The following PDIA5 variants were observed in gnomAD, a reference collection of about 807,000 sequenced individuals.
PDIA5 encodes the protein protein disulfide isomerase family A member 5, also known as protein disulfide-isomerase A5.
A neutral mutation model predicts 77.6 loss-of-function variants in PDIA5; 58 were observed. The observed-to-expected ratio is 0.75, with a 90% confidence interval of 0.61 to 0.93. The LOEUF (loss-of-function observed/expected upper bound fraction) is 0.93. PDIA5 is among the 40% of genes least tolerant of loss of function. PDIA5 has a pLI of 0.00. For missense variants in PDIA5, 630 were observed against 647.7 expected, an observed-to-expected ratio of 0.97 and a Z score of 0.30; for synonymous variants, 250 against 252.1, an observed-to-expected ratio of 0.99 and a Z score of 0.08.
chr3:123,122,518 A>G (rs1935143673), intron 8 of PDIA5, among the ~76,000 whole-genome samples: 1 of 152,150 alleles, frequency 6.6e-6, no homozygotes, highest in East Asian at 1.9e-4. Context: ...TAGGGACTTA[A>G]AACAATTGGA....
At chr3:123,161,778 G>A (rs1936164224) in intron 16 of PDIA5, 102 bp from the exon 17 acceptor site, 3 of 813,452 alleles carry the variant, frequency 3.7e-6, no homozygotes, top group Middle Eastern at 2.8e-4. Flanking sequence ...CCCTGTCATA[G>A]GAGTGACCCC....
At position 123,116,201 on chromosome 3, in the gene PDIA5, G is replaced by A. The variant is rs376263655; in HGVS notation, c.542-30G>A. The A allele has an allele frequency of 1.1e-4, 183 of 1,599,082 alleles. 1 individual carries two copies. In the African/African-American group the frequency reaches 1.2e-3, roughly 10 times the overall value. On this transcript the variant is annotated intron_variant, in intron 7 of 16. Transcript: ENST00000316218. Reference sequence around the variant, plus strand: ...CAAGGGCTCAGCCATCCCTGTAACCGGATGTGGTCTCTCTCCTGCCTGTGA... The same window carrying A: ...CAAGGGCTCAGCCATCCCTGTAACCAGATGTGGTCTCTCTCCTGCCTGTGA...
At chr3:123,155,218 T>C (rs1375615112) in intron 15 of PDIA5, among the ~76,000 whole-genome samples, 177 bp downstream of exon 15, 1 of 152,142 alleles carries the variant, frequency 6.6e-6, no homozygotes, top group Non-Finnish European at 1.5e-5. Context: ...GGATTTATGC[T>C]GCAAAATCAA....
At chr3:123,114,012 C>T (rs1048570280) in intron 7 of PDIA5, among the ~76,000 whole-genome samples, 1 of 152,198 alleles carries the variant, frequency 6.6e-6, no homozygotes, top group Non-Finnish European at 1.5e-5. Flanking sequence ...TGGAAACTGG[C>T]TTGGCCTGTG....
At chr3:123,139,044 C>T (rs1413284051) in intron 11 of PDIA5, among the ~76,000 whole-genome samples, 1 of 152,234 alleles carries the variant, frequency 6.6e-6, no homozygotes, top group Non-Finnish European at 1.5e-5. Context: ...AACATTCCCA[C>T]AGCCAGAAAA....
chr3:123,111,520 C>G (rs1251370565), intron 7 of PDIA5, among the ~76,000 whole-genome samples: 1 of 152,236 alleles, frequency 6.6e-6, no homozygotes, highest in African/African-American at 2.4e-5. Context: ...GGCTCAGTCC[C>G]TGTATGAGGC....
At chr3:123,111,089 T>C in intron 7 of PDIA5, 85 bp downstream of exon 7, 1 of 841,820 alleles carries the variant, frequency 1.2e-6, no homozygotes, top group Non-Finnish European at 2.0e-6. Flanking sequence ...GGGCGGGGTC[T>C]GGGGGATTAG....
chr3:123,129,972 C>T (rs1204243278), intron 10 of PDIA5, among the ~76,000 whole-genome samples: 1 of 152,158 alleles, frequency 6.6e-6, no homozygotes, highest in African/African-American at 2.4e-5. Context: ...CTTGCATGGC[C>T]TAGATCTGAT....
At chr3:123,132,772 A>G (rs1005631700) in intron 11 of PDIA5, among the ~76,000 whole-genome samples, 1 of 152,164 alleles carries the variant, frequency 6.6e-6, no homozygotes, top group Non-Finnish European at 1.5e-5. Context: ...CCCCTGTCCC[A>G]GCCGTGACAG....
At chr3:123,116,199 C>G in intron 7 of PDIA5, 32 bp from the exon 8 acceptor site, 1 of 1,594,086 alleles carries the variant, frequency 6.3e-7, no homozygotes. Flanking sequence ...ATCCCTGTAA[C>G]CGGATGTGGT....
rs757507798 is a variant in PDIA5, at chr3:123,102,406, TC to T, written c.258-3del. 1.2e-6 allele frequency: 2 copies of T among 1,611,558 alleles called. No individual in the cohort carries two copies. The highest frequency in any genetic ancestry group is 1.7e-6 in the Non-Finnish European group (2 of 1,177,702). On this transcript the variant is annotated splice_region_variant and splice_polypyrimidine_tract_variant and intron_variant, in intron 3 of 16. Coordinates refer to ENST00000316218, the MANE Select transcript of PDIA5 (RefSeq NM_006810.4). Reference sequence around the variant, plus strand: ...TAAATGGTTCCCAACATTTGTGTCTTCCAGTGATGCAGAGAGTAGAAAATTG... The same window carrying T: ...TAAATGGTTCCCAACATTTGTGTCTTCAGTGATGCAGAGAGTAGAAAATTG...
intron 1 of PDIA5, 49 bp downstream of exon 1, chr3:123,067,255 C>A: frequency 8.2e-7 from 1 of 1,223,574 alleles, no homozygotes; most frequent in Non-Finnish European, 1.0e-6. Context: ...GTGTGTCCCG[C>A]GTGCCCTTCT....
At chr3:123,079,887 A>T (rs192758453) in intron 1 of PDIA5, among the ~76,000 whole-genome samples, 25 of 152,052 alleles carry the variant, frequency 1.6e-4, no homozygotes, top group Non-Finnish European at 2.9e-4. Flanking sequence ...ATTTGTGTTG[A>T]GATTAATTTC....
chr3:123,125,045 C>A (rs1285219412), intron 10 of PDIA5, among the ~76,000 whole-genome samples: 2 of 152,156 alleles, frequency 1.3e-5, no homozygotes, highest in Non-Finnish European at 2.9e-5. Context: ...TGTGCTAGGC[C>A]TGCTGCTTTG....
intron 13 of PDIA5, among the ~76,000 whole-genome samples, chr3:123,149,282 C>T (rs1017473059): frequency 2.0e-5 from 3 of 152,216 alleles, no homozygotes; most frequent in Admixed American, 2.0e-4. Context: ...GCCTTAAGTT[C>T]TTCTCAGCCA....
chr3:123,132,175 A>G (rs1935384824), intron 11 of PDIA5, among the ~76,000 whole-genome samples: 1 of 152,064 alleles, frequency 6.6e-6, no homozygotes, highest in Non-Finnish European at 1.5e-5. Flanking sequence ...GACATAGACC[A>G]CCCACGGCTC....
intron 8 of PDIA5, among the ~76,000 whole-genome samples, chr3:123,119,972 G>T (rs1156839660): frequency 6.6e-6 from 1 of 152,184 alleles, no homozygotes; most frequent in Non-Finnish European, 1.5e-5. Context: ...ACTTACAGCT[G>T]CCTCTTTTGT....
intron 8 of PDIA5, among the ~76,000 whole-genome samples, chr3:123,123,452 C>T (rs1242450945): frequency 6.6e-6 from 1 of 152,166 alleles, no homozygotes; most frequent in Admixed American, 6.5e-5. Flanking sequence ...AGACACAGCA[C>T]GGCCTGGAAG....
At chr3:123,135,768 T>TA (rs1935487343) in intron 11 of PDIA5, among the ~76,000 whole-genome samples, 1 of 137,502 alleles carries the variant, frequency 7.3e-6, no homozygotes, top group Non-Finnish European at 1.6e-5. Context: ...TTTTTTTTTT[T>TA]ACTTTTTGGC....
Sources: allele counts gnomAD v4.1 joint callset (sites outside exome capture counted in the v4.1 genomes callset), GRCh38; gene constraint gnomAD v4.1.1; transcripts MANE v1.5; gene names NCBI Gene and HGNC (gene_info 2026-07-23, HGNC 2026-07-21).